VPS13B: variants seen among roughly 807,000 people sequenced by gnomAD.
The protein encoded by VPS13B is vacuolar protein sorting 13 homolog B, also known as intermembrane lipid transfer protein VPS13B.
Under a neutral mutation model 426.4 loss-of-function variants are expected in VPS13B, and 285 were observed. The ratio of observed to expected loss-of-function variants is 0.67; its 90% CI spans 0.61 to 0.74. The LOEUF (loss-of-function observed/expected upper bound fraction) is 0.74. Among genes scored for constraint, VPS13B ranks in the 30% least tolerant of loss-of-function variants. VPS13B has a pLI of 0.00. For synonymous variants in VPS13B, 1,676 were observed against 1,676.4 expected (o/e 1.00, Z 0.01); for missense variants, 4,537 against 4,782.6 (o/e 0.95, Z 1.51).
At chr8:99,434,770 C>G (rs1326446904) in intron 22 of VPS13B, among the ~76,000 whole-genome samples, 1 of 152,082 alleles carries the variant, frequency 6.6e-6, no homozygotes, top group African/African-American at 2.4e-5. Flanking sequence ...GTAATTAACT[C>G]TTAGCTTGCA....
At chr8:99,446,607 C>T (rs1263461005) in intron 23 of VPS13B, among the ~76,000 whole-genome samples, 1 of 151,946 alleles carries the variant, frequency 6.6e-6, no homozygotes, top group African/African-American at 2.4e-5. Flanking sequence ...ATTTGCTGAC[C>T]TGCATTCCAG....
intron 19 of VPS13B, among the ~76,000 whole-genome samples, chr8:99,298,286 C>T (rs1170437354): frequency 2.0e-5 from 3 of 152,016 alleles, no homozygotes; most frequent in South Asian, 2.1e-4. Context: ...GTCAGGAGTT[C>T]GAGACCAGCC....
intron 37 of VPS13B, among the ~76,000 whole-genome samples, chr8:99,717,951 A>G (rs555009013): frequency 2.9e-4 from 44 of 152,064 alleles, no homozygotes; most frequent in African/African-American, 1.0e-3. Context: ...GGTTCTTTCC[A>G]CTTTTGGCTG....
intron 31 of VPS13B, among the ~76,000 whole-genome samples, chr8:99,567,687 A>G (rs1345651933): frequency 1.3e-5 from 2 of 152,134 alleles, no homozygotes; most frequent in African/African-American, 2.4e-5. Context: ...TAGGTCCCCT[A>G]TTGAGTATTT....
chr8:99,697,908 A>C (rs921782137), intron 35 of VPS13B: 1 of 466,596 alleles, frequency 2.1e-6, no homozygotes, highest in African/African-American at 2.0e-5. Context: ...TTGGTGGACA[A>C]AGATGTTCAT....
At chr8:99,302,181 C>T (rs74942532) in intron 19 of VPS13B, among the ~76,000 whole-genome samples, 9,586 of 152,154 alleles carry the variant, frequency 0.063, 407 homozygotes, top group African/African-American at 0.12. Flanking sequence ...TTGACTCCTC[C>T]GGCCATAGCT....
At chr8:99,580,707 T>G (rs1351985992) in intron 33 of VPS13B, among the ~76,000 whole-genome samples, 2 of 150,896 alleles carry the variant, frequency 1.3e-5, no homozygotes, top group Non-Finnish European at 3.0e-5. Context: ...TAAAAATTAG[T>G]TGCATGTGGT....
At chr8:99,609,756 T>C (rs1361664938) in intron 33 of VPS13B, among the ~76,000 whole-genome samples, 1 of 152,222 alleles carries the variant, frequency 6.6e-6, no homozygotes, top group Non-Finnish European at 1.5e-5. Flanking sequence ...ATTAAGAACA[T>C]CCTTAAATGA....
At chr8:99,610,144 T>G (rs1010419675) in intron 33 of VPS13B, among the ~76,000 whole-genome samples, 1 of 152,218 alleles carries the variant, frequency 6.6e-6, no homozygotes, top group African/African-American at 2.4e-5. Context: ...TTTTGTTATC[T>G]TGGAATATGC....
chr8:99,212,162 A>C (rs1438974540), intron 17 of VPS13B, among the ~76,000 whole-genome samples: 6 of 152,094 alleles, frequency 3.9e-5, no homozygotes, highest in African/African-American at 1.4e-4. Flanking sequence ...CACAGTTCTG[A>C]GGTTACAGGC....
intron 43 of VPS13B, among the ~76,000 whole-genome samples, chr8:99,806,325 T>C (rs773610923): frequency 6.6e-6 from 1 of 152,218 alleles, no homozygotes; most frequent in Non-Finnish European, 1.5e-5. Flanking sequence ...ACATCTCACA[T>C]TGTCTTTTTG....
intron 25 of VPS13B, among the ~76,000 whole-genome samples, chr8:99,491,689 C>T (rs1455032819): frequency 2.0e-5 from 3 of 152,246 alleles, no homozygotes; most frequent in African/African-American, 4.8e-5. Context: ...ACGTAGTTCT[C>T]GTGCTGTGGT....
rs796244448 is a variant in VPS13B, at chr8:99,517,802, G to T, written c.4634-3097G>T. On this transcript the variant is annotated intron_variant, in intron 29 of 61. Transcript: ENST00000357162. Reference sequence around the variant, plus strand: ...TCTAGAAGGAACATTTCCTCATATGGTCCAACTATTAAATACAGGTGAAAT... The same window carrying T: ...TCTAGAAGGAACATTTCCTCATATGTTCCAACTATTAAATACAGGTGAAAT... Among the ~76,000 whole-genome samples, 8 of 152,030 alleles carry T rather than the reference G, an allele frequency of 5.3e-5. 1 individual carries two copies. Among genetic ancestry groups the T allele is most frequent in the African/African-American group, 1.9e-4 (8 of 41,488 alleles).
chr8:99,738,313 A>G (rs1200227902), intron 39 of VPS13B, among the ~76,000 whole-genome samples: 1 of 152,218 alleles, frequency 6.6e-6, no homozygotes, highest in Non-Finnish European at 1.5e-5. Context: ...TCCATGAGGA[A>G]AAGCCATTTC....
chr8:99,511,075 T>G (rs1308282122), intron 28 of VPS13B, 29 bp from the exon 29 acceptor site: 2 of 1,608,968 alleles, frequency 1.2e-6, no homozygotes, highest in Non-Finnish European at 1.7e-6. Flanking sequence ...TAATGAACTG[T>G]GTATTGTGAT....
intron 3 of VPS13B, among the ~76,000 whole-genome samples, chr8:99,074,503 G>A (rs1469122900): frequency 9.6e-5 from 14 of 145,642 alleles, no homozygotes; most frequent in African/African-American, 3.1e-4. Flanking sequence ...GTGAGACTCC[G>A]TCTCAAAAAA....
chr8:99,325,670 A>G (rs1314706394), intron 19 of VPS13B, among the ~76,000 whole-genome samples: 1 of 152,172 alleles, frequency 6.6e-6, no homozygotes, highest in Non-Finnish European at 1.5e-5. Flanking sequence ...TTCCCTTAAC[A>G]TTATTTTCCA....
At chr8:99,597,064 C>T (rs1295108446) in intron 33 of VPS13B, among the ~76,000 whole-genome samples, 4 of 152,020 alleles carry the variant, frequency 2.6e-5, no homozygotes, top group Non-Finnish European at 5.9e-5. Flanking sequence ...TTGTTCAGTA[C>T]GTCTATAGTG....
At chr8:99,478,950 C>T (rs550963099) in intron 24 of VPS13B, among the ~76,000 whole-genome samples, 58 of 152,130 alleles carry the variant, frequency 3.8e-4, no homozygotes, top group Non-Finnish European at 6.9e-4. Flanking sequence ...CATTGTTCAA[C>T]CCAGATCACT....
Sources: allele counts gnomAD v4.1 joint callset (sites outside exome capture counted in the v4.1 genomes callset), GRCh38; gene constraint gnomAD v4.1.1; transcripts MANE v1.5; gene names NCBI Gene and HGNC (gene_info 2026-07-23, HGNC 2026-07-21).